TAFA4: variants seen among roughly 807,000 people sequenced by gnomAD.
TAFA4 encodes TAFA chemokine like family member 4.
In TAFA4, 20 loss-of-function variants were observed where a neutral mutation model predicts 21.1. The observed-to-expected ratio is 0.95, with a 90% CI of 0.67 to 1.38. The LOEUF is 1.38. Ranked by LOEUF, TAFA4 falls within the 40% of genes most tolerant of loss-of-function variation. The pLI, the probability that TAFA4 is intolerant of heterozygous loss-of-function variation, is 0.00. For missense variants in TAFA4, 211 were observed against 180.9 expected, an observed-to-expected ratio of 1.17 and a Z score of -0.95; for synonymous variants, 71 against 67.4, an observed-to-expected ratio of 1.05 and a Z score of -0.26.
chr3:68,832,718 A>T (rs960660472), intron 3 of TAFA4, among the ~76,000 whole-genome samples: 1 of 152,192 alleles, frequency 6.6e-6, no homozygotes, highest in Non-Finnish European at 1.5e-5. Context: ...CTCTCTTCAG[A>T]GCTGTCAGGC....
At chr3:68,846,326 C>T (rs559727712) in intron 3 of TAFA4, among the ~76,000 whole-genome samples, 26 of 151,862 alleles carry the variant, frequency 1.7e-4, no homozygotes, top group Admixed American at 4.6e-4. Flanking sequence ...TACTTGTGTA[C>T]GCTTCAGGAA....
In TAFA4 at chr3:68,732,966, C is replaced by G. The variant is rs369649050; in HGVS notation, c.*176G>C. The G allele has an allele frequency of 3.0e-6, 2 of 669,922 alleles. No individual in the cohort carries two copies. Among genetic ancestry groups the G allele is most frequent in the South Asian group, 2.4e-5 (1 of 41,632 alleles). 41.5% of individuals were successfully genotyped at this position (669,922 alleles called of 1,614,324 possible). A position where few individuals can be genotyped will look rare whatever the true frequency, so the allele number is the denominator to read the frequency against. On this transcript the variant is annotated 3_prime_UTR_variant, in exon 6 of 6. Coordinates refer to ENST00000295569, the MANE Select transcript of TAFA4 (RefSeq NM_182522.5). ...GTTATAATTCAATGAAATAAAATCA[C>G]GAAGCAGAGAGGGCTGGGCCAGTTA...
intron 3 of TAFA4, among the ~76,000 whole-genome samples, chr3:68,802,500 A>T (rs1703598990): frequency 1.3e-5 from 2 of 152,166 alleles, no homozygotes; most frequent in Non-Finnish European, 2.9e-5. Context: ...TAGAACACCA[A>T]AATTTAGTGC....
intron 4 of TAFA4, among the ~76,000 whole-genome samples, chr3:68,748,971 G>C (rs138663579): frequency 7.2e-5 from 11 of 152,236 alleles, no homozygotes; most frequent in African/African-American, 2.2e-4. Flanking sequence ...TAAATGTGTA[G>C]AATATAGTTT....
At chr3:68,787,523 T>A (rs1703281928) in intron 3 of TAFA4, among the ~76,000 whole-genome samples, 3 of 152,134 alleles carry the variant, frequency 2.0e-5, no homozygotes, top group Admixed American at 2.0e-4. Context: ...GTCCAAAGTC[T>A]GCCATTGTAA....
rs1233244518 is a variant in TAFA4 at position 68,885,168 on chromosome 3, A to G, written c.14+7T>C. 6 of 1,612,684 alleles carry G rather than the reference A, an allele frequency of 3.7e-6. No individual in the cohort carries two copies. In the South Asian group the frequency reaches 4.4e-5, roughly 12 times the overall value. Reference sequence around the variant, plus strand: ...TCATGTCCAGGTGAACGTTAAAATAATCTTACCTTGGGGACCTCATAAGAT... The same window carrying G: ...TCATGTCCAGGTGAACGTTAAAATAGTCTTACCTTGGGGACCTCATAAGAT... On this transcript the variant is annotated splice_region_variant and intron_variant, in intron 2 of 5. Transcript: ENST00000295569.
intron 3 of TAFA4, among the ~76,000 whole-genome samples, chr3:68,868,776 C>T (rs2089448440): frequency 6.6e-6 from 1 of 151,898 alleles, no homozygotes; most frequent in South Asian, 2.1e-4. Context: ...GCAATAAATG[C>T]CTACTTCAAA....
intron 2 of TAFA4, among the ~76,000 whole-genome samples, chr3:68,881,904 C>T (rs953650519): frequency 2.6e-5 from 4 of 152,156 alleles, no homozygotes; most frequent in Non-Finnish European, 4.4e-5. Context: ...CCCTACTCCA[C>T]GAAAACACAT....
chr3:68,838,584 A>G (rs747347291), intron 3 of TAFA4, among the ~76,000 whole-genome samples: 1 of 152,222 alleles, frequency 6.6e-6, no homozygotes, highest in Non-Finnish European at 1.5e-5. Flanking sequence ...GTGAAGGGCC[A>G]GACAGTAAAT....
At chr3:68,913,136 C>T (rs1394403240) in intron 1 of TAFA4, among the ~76,000 whole-genome samples, 1 of 152,184 alleles carries the variant, frequency 6.6e-6, no homozygotes, top group Non-Finnish European at 1.5e-5. Flanking sequence ...TGAATAACCA[C>T]CAAAATAAAT....
intron 3 of TAFA4, among the ~76,000 whole-genome samples, chr3:68,831,695 T>C (rs1210723679): frequency 6.6e-6 from 1 of 152,194 alleles, no homozygotes; most frequent in African/African-American, 2.4e-5. Flanking sequence ...ATCTTTGTGG[T>C]GTTCTCTGTA....
chr3:68,849,598 G>A (rs761526669), intron 3 of TAFA4, among the ~76,000 whole-genome samples: 15 of 152,198 alleles, frequency 9.9e-5, no homozygotes, highest in Middle Eastern at 3.2e-3. Flanking sequence ...CCAGGTGTCA[G>A]CTGACTATCA....
At chr3:68,882,866 C>T (rs189694252) in intron 2 of TAFA4, 16 of 152,248 alleles carry the variant, frequency 1.1e-4, no homozygotes, top group East Asian at 1.9e-4. Flanking sequence ...CTTTGAGAAA[C>T]GAAAGGCCCT....
chr3:68,815,427 T>A (rs570512737), intron 3 of TAFA4, among the ~76,000 whole-genome samples: 1 of 152,144 alleles, frequency 6.6e-6, no homozygotes, highest in Non-Finnish European at 1.5e-5. Context: ...GACAAAGGGC[T>A]AATATCCAGA....
intron 3 of TAFA4, among the ~76,000 whole-genome samples, chr3:68,796,405 C>T (rs1703454203): frequency 6.6e-6 from 1 of 152,118 alleles, no homozygotes; most frequent in South Asian, 2.1e-4. Context: ...CAAAAAGACA[C>T]AGTGCAACTA....
intron 3 of TAFA4, among the ~76,000 whole-genome samples, chr3:68,852,022 C>G (rs1704963053): frequency 6.6e-6 from 1 of 152,168 alleles, no homozygotes. Flanking sequence ...TGTGTTTTAA[C>G]AGCTCCGCAG....
chr3:68,905,705 G>A (rs924578889), intron 1 of TAFA4, among the ~76,000 whole-genome samples: 4 of 152,120 alleles, frequency 2.6e-5, no homozygotes, highest in Admixed American at 1.3e-4. Context: ...AAGGCCCTGA[G>A]GTGTAAAGAT....
chr3:68,791,127 A>G (rs1330490596), intron 3 of TAFA4, among the ~76,000 whole-genome samples: 1 of 152,210 alleles, frequency 6.6e-6, no homozygotes, highest in Non-Finnish European at 1.5e-5. Flanking sequence ...CTGGGGCACT[A>G]GTCACACTGT....
At chr3:68,745,597 G>A (rs554527297) in intron 4 of TAFA4, among the ~76,000 whole-genome samples, 1 of 152,292 alleles carries the variant, frequency 6.6e-6, no homozygotes, top group East Asian at 1.9e-4. Context: ...CTATAATGCT[G>A]TTGTCGAGGT....
Sources: gnomAD v4.1 joint callset for allele counts (sites outside exome capture counted in the v4.1 genomes callset) on GRCh38, gnomAD v4.1.1 for gene constraint, MANE v1.5 for transcripts, NCBI Gene and HGNC (gene_info 2026-07-23, HGNC 2026-07-21) for gene names.